SRPK2: variants seen among roughly 807,000 people sequenced by gnomAD.
The protein encoded by SRPK2 is SFRS protein kinase 2.
SRPK2 carries 21 observed loss-of-function variants against 90.8 expected under a neutral mutation model. The observed-to-expected ratio is 0.23, with a 90% CI of 0.16 to 0.33. SRPK2 has a LOEUF of 0.33. Among genes scored for constraint, SRPK2 ranks in the 10% least tolerant of loss-of-function variants. SRPK2 has a pLI of 1.00. For missense variants in SRPK2, 620 were observed against 869.0 expected, an observed-to-expected ratio of 0.71 and a Z score of 3.60; for synonymous variants, 288 against 311.1, an observed-to-expected ratio of 0.93 and a Z score of 0.78.
At chr7:105,241,961 G>T (rs1298586063) in intron 2 of SRPK2, among the ~76,000 whole-genome samples, 1 of 151,924 alleles carries the variant, frequency 6.6e-6, no homozygotes, top group Non-Finnish European at 1.5e-5. Flanking sequence ...TTTACAGTCT[G>T]CCATATTCTA....
intron 3 of SRPK2, among the ~76,000 whole-genome samples, chr7:105,195,061 T>A (rs1406667852): frequency 1.3e-5 from 2 of 152,248 alleles, no homozygotes; most frequent in Non-Finnish European, 2.9e-5. Flanking sequence ...TTTGTTTTTA[T>A]TTTTTTGAGA....
At chr7:105,285,387 A>G (rs56027393) in intron 2 of SRPK2, among the ~76,000 whole-genome samples, 4,315 of 28,908 alleles carry the variant, frequency 0.15, 68 homozygotes, top group African/African-American at 0.3. Context: ...CCCGTCTCCA[A>G]AAAAAAAAAA....
At chr7:105,273,466 C>T (rs1374078876) in intron 2 of SRPK2, among the ~76,000 whole-genome samples, 1 of 151,154 alleles carries the variant, frequency 6.6e-6, no homozygotes, top group East Asian at 2.0e-4. Context: ...CGTTCTGCCA[C>T]CCAGGGTGGA....
At chr7:105,115,382 T>G (rs995907264), downstream of SRPK2, 11 of 152,216 alleles carry the variant, frequency 7.2e-5, no homozygotes, top group Admixed American at 7.2e-4. Context: ...AGATCTTATA[T>G]CCACCTTTTC....
At chr7:105,225,105 T>C (rs1293068496) in intron 2 of SRPK2, among the ~76,000 whole-genome samples, 2 of 152,080 alleles carry the variant, frequency 1.3e-5, no homozygotes, top group African/African-American at 4.8e-5. Context: ...GGTGGGAGGA[T>C]CACTTGAGCC....
intron 2 of SRPK2, among the ~76,000 whole-genome samples, chr7:105,243,016 T>C (rs559123300): frequency 2.6e-4 from 39 of 152,258 alleles, no homozygotes; most frequent in African/African-American, 9.1e-4. Context: ...TTTTTATTCT[T>C]CTTCTTCCTT....
At chr7:105,293,490 C>G (rs1326900201) in intron 2 of SRPK2, among the ~76,000 whole-genome samples, 3 of 151,896 alleles carry the variant, frequency 2.0e-5, no homozygotes, top group African/African-American at 7.3e-5. Flanking sequence ...CAACCTTCCC[C>G]CTCCACCCCC....
intron 6 of SRPK2, among the ~76,000 whole-genome samples, chr7:105,163,517 G>A (rs1197305934): frequency 6.6e-6 from 1 of 152,102 alleles, no homozygotes; most frequent in South Asian, 2.1e-4. Context: ...GTTTGCGGCC[G>A]GGCATGGTGG....
At chr7:105,163,196 T>A (rs1807952086) in intron 6 of SRPK2, among the ~76,000 whole-genome samples, 1 of 152,208 alleles carries the variant, frequency 6.6e-6, no homozygotes, top group Non-Finnish European at 1.5e-5. Context: ...AATAAACTCA[T>A]ACTAGTTTGT....
At chr7:105,151,978 C>T (rs1461846612) in intron 7 of SRPK2, among the ~76,000 whole-genome samples, 2 of 146,708 alleles carry the variant, frequency 1.4e-5, no homozygotes, top group Non-Finnish European at 3.0e-5. Flanking sequence ...GAGCTGAGAT[C>T]GTGTCACCAC....
chr7:105,389,488 A>T, upstream of SRPK2: 1 of 1,040,136 alleles, frequency 9.6e-7, no homozygotes, highest in South Asian at 1.7e-5. Context: ...CCCACCTCTA[A>T]GTGCCCTCCA....
chr7:105,230,736 CT>C (rs1466608657), intron 2 of SRPK2, among the ~76,000 whole-genome samples: 1 of 152,062 alleles, frequency 6.6e-6, no homozygotes, highest in Non-Finnish European at 1.5e-5. Flanking sequence ...CATGAAAAAT[CT>C]TGTTGATTCT....
intron 6 of SRPK2, among the ~76,000 whole-genome samples, chr7:105,163,592 C>T (rs760546236): frequency 1.1e-4 from 17 of 151,766 alleles, no homozygotes; most frequent in Admixed American, 2.0e-4. Flanking sequence ...GTCGGGAATT[C>T]GAGACCAGCC....
intron 2 of SRPK2, among the ~76,000 whole-genome samples, chr7:105,336,028 TA>T (rs1194732506): frequency 8.5e-5 from 13 of 152,254 alleles, no homozygotes; most frequent in African/African-American, 3.1e-4. Context: ...TAACATTTAC[TA>T]AAGCCAAAAG....
At chr7:105,316,126 G>A (rs574916030) in intron 2 of SRPK2, among the ~76,000 whole-genome samples, 8 of 149,932 alleles carry the variant, frequency 5.3e-5, no homozygotes, top group Non-Finnish European at 1.0e-4. Flanking sequence ...CTGGGTTCAA[G>A]TGATTCTCCT....
chr7:105,244,934 G>C (rs543385662), intron 2 of SRPK2: 316 of 1,478,026 alleles, frequency 2.1e-4, no homozygotes, highest in Non-Finnish European at 2.7e-4. Context: ...GCAACGTCCT[G>C]GCCGCCATGA....
At chr7:105,297,737 A>AT (rs202204947) in intron 2 of SRPK2, among the ~76,000 whole-genome samples, 1,573 of 120,090 alleles carry the variant, frequency 0.013, 19 homozygotes, top group African/African-American at 0.038. Flanking sequence ...TAAGCTGTAA[A>AT]TTTTTTTTTT....
At position 105,117,677 on chromosome 7, in the gene SRPK2, G is replaced by A; in HGVS notation, c.*161C>T. ...GACTACCCTTCCCCAGGATCACAGT[G>A]CACAAAAAGCAAAATGTCAAACAAC... On this transcript the variant is annotated 3_prime_UTR_variant, in exon 16 of 16. Coordinates refer to ENST00000393651, the MANE Select transcript of SRPK2 (RefSeq NM_182692.3). 1.4e-6 allele frequency: 1 copy of A among 721,018 alleles called. No individual in the cohort carries two copies. Among genetic ancestry groups the A allele is most frequent in the Non-Finnish European group, 2.3e-6 (1 of 444,268 alleles). The allele number at this position is 721,018 out of a possible 1,614,324, so 44.7% of individuals were successfully genotyped here.
intron 2 of SRPK2, among the ~76,000 whole-genome samples, chr7:105,245,276 C>G (rs745444915): frequency 1.3e-5 from 2 of 152,126 alleles, no homozygotes; most frequent in Non-Finnish European, 2.9e-5. Flanking sequence ...TAGGAGGCAG[C>G]AGGACCCTCT....
Sources: gnomAD v4.1 joint callset for allele counts (sites outside exome capture counted in the v4.1 genomes callset) on GRCh38, gnomAD v4.1.1 for gene constraint, MANE v1.5 for transcripts, NCBI Gene and HGNC (gene_info 2026-07-23, HGNC 2026-07-21) for gene names.